PHLDB2: variants seen among roughly 807,000 people sequenced by gnomAD.
The protein encoded by PHLDB2 is pleckstrin homology-like domain family B member 2.
Under a neutral mutation model 123.6 loss-of-function variants are expected in PHLDB2, and 71 were observed. The observed-to-expected ratio is 0.57, with a 90% CI of 0.47 to 0.70. The LOEUF is 0.70. PHLDB2 is among the 30% of genes least tolerant of loss of function. The probability of loss-of-function intolerance (pLI) is 0.00; values close to 1 mark genes in which losing one functional copy is unlikely to be tolerated. For missense variants in PHLDB2, 1,446 were observed against 1,519.5 expected, an observed-to-expected ratio of 0.95 and a Z score of 0.80; for synonymous variants, 547 against 541.6, an observed-to-expected ratio of 1.01 and a Z score of -0.14.
intron 1 of PHLDB2, among the ~76,000 whole-genome samples, chr3:111,744,317 CCCTT>C (rs1459483938): frequency 6.6e-6 from 1 of 152,154 alleles, no homozygotes; most frequent in Non-Finnish European, 1.5e-5. Flanking sequence ...GGGGAGCAGA[CCCTT>C]CCGCACATTG....
chr3:111,885,801 A>C lies in PHLDB2; in HGVS notation c.1335+389A>C, dbSNP rs539826695. The C allele has an allele frequency of 3.5e-5, 20 of 571,464 alleles. No homozygotes were observed. In the South Asian group the frequency reaches 4.2e-4, roughly 12 times the overall value. The allele number at this position is 571,464 out of a possible 1,614,324, so 35.4% of individuals were successfully genotyped here. On this transcript the variant is annotated intron_variant, in intron 2 of 17. Coordinates refer to ENST00000431670, the MANE Select transcript of PHLDB2 (RefSeq NM_001134438.2). ...AATTTGCTTGTGTATGGTTATGAGA[A>C]GTAGTCAGTGAAATCATGACTCACC...
chr3:111,867,215 GA>G (rs915950444), intron 1 of PHLDB2, among the ~76,000 whole-genome samples: 27 of 151,726 alleles, frequency 1.8e-4, no homozygotes, highest in African/African-American at 6.5e-4. Context: ...GTATGATAAA[GA>G]GTTAGTATTT....
intron 2 of PHLDB2, among the ~76,000 whole-genome samples, chr3:111,854,157 C>A (rs2064381413): frequency 6.6e-6 from 1 of 152,126 alleles, no homozygotes; most frequent in South Asian, 2.1e-4. Flanking sequence ...AGGGGAAATG[C>A]CAGACACTTA....
intron 1 of PHLDB2, among the ~76,000 whole-genome samples, chr3:111,749,405 G>A (rs781232649): frequency 1.4e-4 from 21 of 152,040 alleles, no homozygotes; most frequent in South Asian, 2.1e-4. Context: ...AATATCAACC[G>A]TTGGTTGATA....
intron 1 of PHLDB2, among the ~76,000 whole-genome samples, chr3:111,794,164 G>A (rs1038799046): frequency 2.0e-5 from 3 of 152,028 alleles, no homozygotes; most frequent in African/African-American, 7.2e-5. Context: ...ATGCTTTCCA[G>A]AACCCAGTCG....
Position 111,959,731 on chromosome 3 carries a change from G to A in PHLDB2, c.2873-2377G>A, listed in dbSNP as rs535614115. The stretch of plus-strand genomic sequence containing the variant: ...CTGTGTTACTTTTGGAAAAGTAGCC[G>A]AAAAACAACAACAACAAAAAACACA... On this transcript the variant is annotated intron_variant, in intron 12 of 17. Coordinates refer to ENST00000431670, the MANE Select transcript of PHLDB2 (RefSeq NM_001134438.2). Among the ~76,000 whole-genome samples the A allele has an allele frequency of 8.9e-4, 136 of 152,264 alleles. 4 individuals carry two copies. In the South Asian group the frequency reaches 0.02, roughly 23 times the overall value.
intron 2 of PHLDB2, among the ~76,000 whole-genome samples, chr3:111,892,811 T>G (rs1412365417): frequency 6.6e-6 from 1 of 152,200 alleles, no homozygotes; most frequent in Non-Finnish European, 1.5e-5. Context: ...GATCTAATGT[T>G]TCTAAAATTA....
rs1287784044 is a variant in PHLDB2 at position 111,920,182 on chromosome 3, C to G, written c.1864-100C>G. On this transcript the variant is annotated intron_variant, in intron 4 of 17. Coordinates refer to ENST00000431670, the MANE Select transcript of PHLDB2 (RefSeq NM_001134438.2). Reference sequence around the variant, plus strand: ...ACCCGATCTGGCTGCTACAGTATTACTTTTGGAAATTTGTAGCTGTTGCAA... The same window carrying G: ...ACCCGATCTGGCTGCTACAGTATTAGTTTTGGAAATTTGTAGCTGTTGCAA... 6 of 1,389,538 alleles carry G rather than the reference C, an allele frequency of 4.3e-6. No homozygotes were observed. The Admixed American group carries it at 1.4e-4, about 31-fold the overall frequency. 86.1% of individuals were successfully genotyped at this position (1,389,538 alleles called of 1,614,324 possible).
At chr3:111,948,694 ACAGT>A (rs2070487307) in intron 9 of PHLDB2, among the ~76,000 whole-genome samples, 1 of 152,196 alleles carries the variant, frequency 6.6e-6, no homozygotes, top group Non-Finnish European at 1.5e-5. Flanking sequence ...TATTTATACT[ACAGT>A]TATCTTGATT....
chr3:111,745,859 G>A (rs1360213154), intron 1 of PHLDB2, among the ~76,000 whole-genome samples: 2 of 152,152 alleles, frequency 1.3e-5, no homozygotes, highest in African/African-American at 2.4e-5. Flanking sequence ...TTTGCCCCAG[G>A]CCACTTGGCT....
chr3:111,895,418 G>C (rs1191748254), intron 2 of PHLDB2, among the ~76,000 whole-genome samples: 1 of 152,134 alleles, frequency 6.6e-6, no homozygotes, highest in Non-Finnish European at 1.5e-5. Flanking sequence ...TATAGAAGAA[G>C]TCTCATTCTT....
At chr3:111,784,437 C>A (rs1250572662) in intron 1 of PHLDB2, among the ~76,000 whole-genome samples, 1 of 152,080 alleles carries the variant, frequency 6.6e-6, no homozygotes, top group Admixed American at 6.5e-5. Flanking sequence ...GTGCAAGTTG[C>A]CTCATCCTTT....
At position 111,930,788 on chromosome 3, in the gene PHLDB2, T is replaced by A. The variant is rs189029286; in HGVS notation, c.2002-1481T>A. 1.8e-4 allele frequency among the ~76,000 whole-genome samples: 27 copies of A among 152,316 alleles called. No individual in the cohort carries two copies. In the East Asian group the frequency reaches 5.2e-3, roughly 29 times the overall value. On this transcript the variant is annotated intron_variant, in intron 5 of 17. Transcript: ENST00000431670. ...ACTTACCATTGAAGATCGAAGAAAT[T>A]TTCGTTGTTGTCTGTTAAACTTTTA...
intron 1 of PHLDB2, among the ~76,000 whole-genome samples, chr3:111,881,606 A>G (rs1018230695): frequency 6.6e-6 from 1 of 152,122 alleles, no homozygotes; most frequent in South Asian, 2.1e-4. Context: ...TGCAACCATG[A>G]TATAATATCA....
At chr3:111,870,946 C>T (rs2065309742) in intron 1 of PHLDB2, among the ~76,000 whole-genome samples, 1 of 152,180 alleles carries the variant, frequency 6.6e-6, no homozygotes, top group Non-Finnish European at 1.5e-5. Flanking sequence ...CTCCATGGCT[C>T]TTGCAGGGCA....
intron 1 of PHLDB2, among the ~76,000 whole-genome samples, chr3:111,742,479 G>A (rs2059619844): frequency 6.6e-6 from 1 of 151,428 alleles, no homozygotes; most frequent in African/African-American, 2.4e-5. Flanking sequence ...CCCCACAACA[G>A]GCCCCGGTGT....
chr3:111,802,009 T>C (rs1234694972), intron 1 of PHLDB2, among the ~76,000 whole-genome samples: 1 of 152,242 alleles, frequency 6.6e-6, no homozygotes, highest in African/African-American at 2.4e-5. Flanking sequence ...GTGGATATTA[T>C]AGTATATGAA....
intron 1 of PHLDB2, among the ~76,000 whole-genome samples, chr3:111,772,124 A>G (rs2060189358): frequency 6.6e-6 from 1 of 151,990 alleles, no homozygotes. Flanking sequence ...AGAATTTATT[A>G]CTCCTTCTTA....
intron 1 of PHLDB2, among the ~76,000 whole-genome samples, chr3:111,836,847 C>CCAAT (rs2063429517): frequency 6.6e-6 from 1 of 152,112 alleles, no homozygotes; most frequent in African/African-American, 2.4e-5. Flanking sequence ...CCCCGATGAT[C>CCAAT]CAATCATCTC....
Sources: allele counts gnomAD v4.1 joint callset (sites outside exome capture counted in the v4.1 genomes callset), GRCh38; gene constraint gnomAD v4.1.1; transcripts MANE v1.5; gene names NCBI Gene and HGNC (gene_info 2026-07-23, HGNC 2026-07-21).